Variants in MRPS28 observed in about 807,000 individuals in gnomAD.
The protein encoded by MRPS28 is mitochondrial ribosomal protein S28.
MRPS28 carries 7 observed loss-of-function variants against 10.8 expected under a neutral mutation model. The ratio of observed to expected loss-of-function variants is 0.65; its 90% CI spans 0.37 to 1.22. MRPS28 has a LOEUF of 1.22. Among genes scored for constraint, MRPS28 ranks in the 50% most tolerant of loss-of-function variants. MRPS28 has a pLI of 0.02. For synonymous variants in MRPS28, 121 were observed against 93.3 expected, an observed-to-expected ratio of 1.30 and a Z score of -1.71; for missense variants, 265 against 232.9, an observed-to-expected ratio of 1.14 and a Z score of -0.90.
At position 79,937,323 on chromosome 8, in the gene MRPS28, G is replaced by A. The variant is rs771201818; in HGVS notation, c.396-18175C>T. Among the ~76,000 whole-genome samples the A allele has an allele frequency of 1.2e-4, 18 of 152,050 alleles. 1 individual carries two copies. Among genetic ancestry groups the A allele is most frequent in the Admixed American group, 3.3e-4 (5 of 15,270 alleles). The stretch of plus-strand genomic sequence containing the variant: ...CAAAACTTGTTCCCTTGAAAATCAC[G>A]TAAAATTTTACCAAAAAACTGTAAT... On this transcript the variant is annotated intron_variant, in intron 2 of 2. Coordinates refer to ENST00000276585, the MANE Select transcript of MRPS28 (RefSeq NM_014018.3).
intron 2 of MRPS28, among the ~76,000 whole-genome samples, chr8:79,950,298 A>G (rs1017583189): frequency 6.6e-6 from 1 of 152,170 alleles, no homozygotes. Context: ...TCTTCAATGC[A>G]TTCTCTAGCA....
intron 2 of MRPS28, among the ~76,000 whole-genome samples, chr8:79,964,854 T>C (rs1290124303): frequency 6.6e-6 from 1 of 151,976 alleles, no homozygotes; most frequent in East Asian, 1.9e-4. Flanking sequence ...ATTAATAACA[T>C]CAGAACCATC....
chr8:80,010,026 A>T (rs931559503), intron 1 of MRPS28, among the ~76,000 whole-genome samples: 2 of 152,332 alleles, frequency 1.3e-5, no homozygotes, highest in East Asian at 1.9e-4. Context: ...CTTTCTCCTA[A>T]AGTAAATTCC....
chr8:79,939,837 G>GCCA (rs1450171548), intron 2 of MRPS28, among the ~76,000 whole-genome samples: 2 of 152,086 alleles, frequency 1.3e-5, no homozygotes, highest in Non-Finnish European at 2.9e-5. Flanking sequence ...GGGCATGGTG[G>GCCA]CGGGCGCCTG....
intron 2 of MRPS28, among the ~76,000 whole-genome samples, chr8:79,960,628 A>G (rs147559513): frequency 2.8e-3 from 428 of 152,204 alleles, no homozygotes; most frequent in South Asian, 3.5e-3. Context: ...TCCAAAATAT[A>G]TGTGTGGCTT....
intron 2 of MRPS28, among the ~76,000 whole-genome samples, chr8:79,951,675 A>C (rs1807083301): frequency 6.6e-6 from 1 of 152,234 alleles, no homozygotes; most frequent in Non-Finnish European, 1.5e-5. Flanking sequence ...CCAACAGTAT[A>C]TGAAGGAATG....
chr8:80,028,645 C>CGGGCGGGAGGGGGGG (rs1554575868), intron 1 of MRPS28: 1 of 3,332 alleles, frequency 3.0e-4, no homozygotes, highest in Non-Finnish European at 5.1e-4. Flanking sequence ...AAGCAGAAGA[C>CGGGCGGGAGGGGGGG]GGGCGGGGGG....
chr8:79,973,694 T>C (rs527487786), intron 2 of MRPS28, among the ~76,000 whole-genome samples: 30 of 151,954 alleles, frequency 2.0e-4, no homozygotes, highest in Non-Finnish European at 4.0e-4. Context: ...TTTGGCCAAG[T>C]ATCAGCAACT....
intron 2 of MRPS28, among the ~76,000 whole-genome samples, chr8:79,963,114 C>T (rs1263303943): frequency 6.6e-6 from 1 of 152,046 alleles, no homozygotes. Context: ...TGTGATTGTA[C>T]AGGATAGAAA....
chr8:79,941,146 A>C (rs1041936823), intron 2 of MRPS28, among the ~76,000 whole-genome samples: 2 of 152,110 alleles, frequency 1.3e-5, no homozygotes, highest in South Asian at 2.1e-4. Context: ...TAAATACATA[A>C]ATAAAAATTA....
intron 2 of MRPS28, chr8:79,957,661 G>C (rs7012215): frequency 2.6e-5 from 4 of 151,842 alleles, no homozygotes; most frequent in Non-Finnish European, 5.9e-5. Context: ...CAAGGATATA[G>C]TGAGCCATGA....
intron 2 of MRPS28, among the ~76,000 whole-genome samples, chr8:80,000,662 A>C (rs1487139840): frequency 6.6e-6 from 1 of 152,260 alleles, no homozygotes; most frequent in Non-Finnish European, 1.5e-5. Context: ...GCTATACTAC[A>C]CATAAAACAA....
At chr8:80,028,025 GAAAGGAAAGGAAAGAGA>G (rs1809534469) in intron 1 of MRPS28, among the ~76,000 whole-genome samples, 1 of 152,164 alleles carries the variant, frequency 6.6e-6, no homozygotes, top group Non-Finnish European at 1.5e-5. Flanking sequence ...AACTGCCTTG[GAAAGGAAAGGAAAGAGA>G]AAAGGAAAGG....
intron 1 of MRPS28, among the ~76,000 whole-genome samples, chr8:80,016,848 A>T (rs1275568998): frequency 6.6e-6 from 1 of 152,218 alleles, no homozygotes; most frequent in East Asian, 1.9e-4. Context: ...ATGAATCATT[A>T]CAGTTGGAGA....
At chr8:79,994,662 G>A (rs970799994) in intron 2 of MRPS28, among the ~76,000 whole-genome samples, 10 of 151,796 alleles carry the variant, frequency 6.6e-5, no homozygotes, top group South Asian at 2.1e-4. Flanking sequence ...TCCTTCTTCC[G>A]AAATATGCTC....
At chr8:79,978,070 C>T (rs1411835999) in intron 2 of MRPS28, among the ~76,000 whole-genome samples, 1 of 151,876 alleles carries the variant, frequency 6.6e-6, no homozygotes, top group Non-Finnish European at 1.5e-5. Context: ...AAAAGACATG[C>T]TTTGGAATTC....
chr8:79,919,052 C>G lies in MRPS28; in HGVS notation c.492G>C (p.Glu164Asp). 5 of 1,609,978 alleles carry G rather than the reference C, an allele frequency of 3.1e-6. No individual in the cohort carries two copies. Among genetic ancestry groups the G allele is most frequent in the Non-Finnish European group, 4.2e-6 (5 of 1,178,304 alleles). ...LGATTDTTVL[E>D]ANAVLLGIQE... ...GGATTCCCAAGAGAACTGCATTAGC[C>G]TCTAGTACAGTTGTATCTGTTGTTG... Residue 164 changes from glutamate (E) to aspartate (D), a missense_variant, in exon 3 of 3, where the codon GAG becomes GAC. Coordinates refer to ENST00000276585, the MANE Select transcript of MRPS28 (RefSeq NM_014018.3).
intron 2 of MRPS28, among the ~76,000 whole-genome samples, chr8:79,942,952 A>G (rs1042941395): frequency 6.6e-6 from 1 of 152,372 alleles, no homozygotes; most frequent in East Asian, 1.9e-4. Flanking sequence ...AACTACTTCA[A>G]TATCCTTCCA....
intron 2 of MRPS28, among the ~76,000 whole-genome samples, chr8:79,947,530 A>C (rs534061366): frequency 6.6e-6 from 1 of 151,768 alleles, no homozygotes; most frequent in Non-Finnish European, 1.5e-5. Context: ...ATTCCTTCTA[A>C]TCATCTCTCC....
Sources: allele counts gnomAD v4.1 joint callset (sites outside exome capture counted in the v4.1 genomes callset), GRCh38; gene constraint gnomAD v4.1.1; transcripts MANE v1.5; gene names NCBI Gene and HGNC (gene_info 2026-07-23, HGNC 2026-07-21).